PCDHA13: variants seen among roughly 807,000 people sequenced by gnomAD.
The protein encoded by PCDHA13 is protocadherin alpha 13.
In PCDHA13, 54 loss-of-function variants were observed where a neutral mutation model predicts 64.8. The observed-to-expected ratio is 0.83, with a 90% CI of 0.67 to 1.04. The LOEUF (loss-of-function observed/expected upper bound fraction) is 1.04. Among genes scored for constraint, PCDHA13 ranks in the 50% least tolerant of loss-of-function variants. The pLI, the probability that PCDHA13 is intolerant of heterozygous loss-of-function variation, is 0.00. For missense variants in PCDHA13, 1,248 were observed against 1,254.3 expected, an observed-to-expected ratio of 0.99 and a Z score of 0.08; for synonymous variants, 587 against 564.4, an observed-to-expected ratio of 1.04 and a Z score of -0.57.
intron 1 of PCDHA13, among the ~76,000 whole-genome samples, chr5:140,958,384 C>G (rs1352428582): frequency 6.6e-6 from 1 of 152,098 alleles, no homozygotes; most frequent in Non-Finnish European, 1.5e-5. Context: ...ATTTTCTTAA[C>G]AGGTCATCAA....
chr5:140,992,258 A>G (rs1316409303), intron 3 of PCDHA13, among the ~76,000 whole-genome samples: 1 of 152,168 alleles, frequency 6.6e-6, no homozygotes, highest in African/African-American at 2.4e-5. Flanking sequence ...GCTAAAGATG[A>G]AAGTTCTTTT....
chr5:140,927,451 T>C (rs782170767), intron 1 of PCDHA13: 4 of 1,614,082 alleles, frequency 2.5e-6, no homozygotes, highest in South Asian at 1.1e-5. Context: ...GGAGTTGGTG[T>C]TGGAGAAAGC....
In PCDHA13 at chr5:140,982,557, A is replaced by G. The variant is rs199851685; in HGVS notation, c.2536A>G (p.Thr846Ala). 6.2e-7 allele frequency: 1 copy of G among 1,614,138 alleles called. No homozygotes were observed. The highest frequency in any genetic ancestry group is 1.7e-5 in the Admixed American group (1 of 60,030). The change falls in exon 3 of 4, where the codon ACA becomes GCA. Residue 846 changes from threonine (T) to alanine (A), a missense_variant. Physicochemically the swap from Thr to Ala is moderately conservative, Grantham distance 58. Transcript: ENST00000289272. ...GCAGTGGCCAACAGTATCCAGTGCAACACCAGGTAAAGAGCTGGGGTCTCT... is the reference window on the plus strand; with the variant it reads ...GCAGTGGCCAACAGTATCCAGTGCAGCACCAGGTAAAGAGCTGGGGTCTCT... Reference protein sequence around the residue: ...DQQWPTVSSATPEPEAGEVSP... With the variant: ...DQQWPTVSSAAPEPEAGEVSP...
At chr5:140,892,758 A>G (rs936927643) in intron 1 of PCDHA13, among the ~76,000 whole-genome samples, 2 of 152,210 alleles carry the variant, frequency 1.3e-5, no homozygotes, top group Non-Finnish European at 2.9e-5. Flanking sequence ...AACATTTAAA[A>G]TCCACTCTTC....
intron 1 of PCDHA13, chr5:140,926,299 C>G (rs547710989): frequency 3.9e-5 from 6 of 152,464 alleles, no homozygotes; most frequent in Admixed American, 3.9e-4. Context: ...GAGTCCCGCC[C>G]TCTCCGCCGG....
At chr5:140,999,138 C>G (rs530740266) in intron 3 of PCDHA13, among the ~76,000 whole-genome samples, 1 of 152,258 alleles carries the variant, frequency 6.6e-6, no homozygotes, top group East Asian at 1.9e-4. Context: ...AATGTCACAG[C>G]CGGAAGTCTT....
rs59031154 is a variant in PCDHA13 at position 140,884,790 on chromosome 5, T to C, written c.2394+128T>C. ...TTAATTTTAATTTTGCTAGTTGTTATCGAATTTAACAACTCTGCTGTGGAC... is the reference window on the plus strand; with the variant it reads ...TTAATTTTAATTTTGCTAGTTGTTACCGAATTTAACAACTCTGCTGTGGAC... On this transcript the variant is annotated intron_variant, in intron 1 of 3. Transcript: ENST00000289272. 1.6e-3 allele frequency: 2,209 copies of C among 1,352,036 alleles called. 33 individuals are homozygous for C. In the African/African-American group the frequency reaches 0.03, roughly 18 times the overall value. The allele number at this position is 1,352,036 out of a possible 1,614,324, so 83.8% of individuals were successfully genotyped here.
Position 140,884,388 on chromosome 5 carries a change from T to C in PCDHA13, c.2120T>C (p.Val707Ala). Reference sequence around the variant, plus strand: ...TACTTGATCATTGCCATCTGCGCGGTGTCCAGCCTGTTGGTGCTCACGTTG... The same window carrying C: ...TACTTGATCATTGCCATCTGCGCGGCGTCCAGCCTGTTGGTGCTCACGTTG... The part of the protein sequence containing the change: ...NVYLIIAICA[V>A]SSLLVLTLLL... The change falls in exon 1 of 4, where the codon GTG becomes GCG. Residue 707 changes from valine (V) to alanine (A), a missense_variant. Val to Ala is a moderately conservative substitution (Grantham distance 64). Coordinates refer to ENST00000289272, the MANE Select transcript of PCDHA13 (RefSeq NM_018904.3). 6.2e-7 allele frequency: 1 copy of C among 1,613,960 alleles called. No homozygotes were observed. Among genetic ancestry groups the C allele is most frequent in the Non-Finnish European group, 8.5e-7 (1 of 1,179,876 alleles).
In PCDHA13 at chr5:140,900,299, G is replaced by T. The variant is rs1042472528; in HGVS notation, c.2394+15637G>T. ...CCACACTTTCTTTTCTGTTTTTTTA[G>T]ACAGTCTCACTTTTGTCGCCCAGGC... On this transcript the variant is annotated intron_variant, in intron 1 of 3. Coordinates refer to ENST00000289272, the MANE Select transcript of PCDHA13 (RefSeq NM_018904.3). 2.0e-5 allele frequency among the ~76,000 whole-genome samples: 3 copies of T among 151,604 alleles called. No homozygotes were observed. The East Asian group carries it at 5.8e-4, about 29-fold the overall frequency.
rs782100865 is a variant in PCDHA13 at position 140,883,685 on chromosome 5, C to T, written c.1417C>T (p.His473Tyr). 50 of 1,613,734 alleles carry T rather than the reference C, an allele frequency of 3.1e-5. No individual in the cohort carries two copies. Among genetic ancestry groups the T allele is most frequent in the Non-Finnish European group, 3.7e-5 (44 of 1,179,910 alleles). ...GAAGGAAAACAATCCGCCGGGCTGC[C>T]ACATCTTCACGGTGTCTGCTCAGGA... The part of the protein sequence containing the change: ...FVKENNPPGC[H>Y]IFTVSAQDAD... Residue 473 changes from histidine (H) to tyrosine (Y), a missense_variant, in exon 1 of 4, where the codon CAC becomes TAC. By Grantham distance (83) the His-to-Tyr change is moderately conservative (BLOSUM62 2). Transcript: ENST00000289272.
intron 1 of PCDHA13, chr5:140,928,025 G>T: frequency 6.2e-7 from 1 of 1,614,148 alleles, no homozygotes; most frequent in South Asian, 1.1e-5. Flanking sequence ...GTCATTTGTG[G>T]CATGTCTAGT....
At chr5:140,901,927 A>C (rs2068986448) in intron 1 of PCDHA13, among the ~76,000 whole-genome samples, 1 of 151,764 alleles carries the variant, frequency 6.6e-6, no homozygotes. Context: ...TCTTTGGTTA[A>C]TTCCTAGGTA....
At chr5:140,994,125 C>T (rs1007264886) in intron 3 of PCDHA13, among the ~76,000 whole-genome samples, 6 of 152,044 alleles carry the variant, frequency 3.9e-5, no homozygotes, top group African/African-American at 9.7e-5. Flanking sequence ...GTGATAAGGG[C>T]GACAATAATG....
intron 1 of PCDHA13, among the ~76,000 whole-genome samples, chr5:140,887,432 C>G (rs2061445843): frequency 6.6e-6 from 1 of 152,120 alleles, no homozygotes; most frequent in Non-Finnish European, 1.5e-5. Flanking sequence ...AGTATTTTCA[C>G]TGGGCATAGT....
intron 1 of PCDHA13, among the ~76,000 whole-genome samples, chr5:140,919,231 CT>C (rs2079047316): frequency 6.6e-6 from 1 of 152,160 alleles, no homozygotes; most frequent in African/African-American, 2.4e-5. Context: ...TCTAGTAACA[CT>C]TTTTGTCTTG....
At chr5:140,928,397 C>T in intron 1 of PCDHA13, 1 of 1,614,082 alleles carries the variant, frequency 6.2e-7, no homozygotes, top group East Asian at 2.2e-5. Context: ...GCAGTGGAAT[C>T]ATCCAGTGGG....
intron 1 of PCDHA13, among the ~76,000 whole-genome samples, chr5:140,905,814 G>T (rs1303983123): frequency 6.6e-6 from 1 of 152,090 alleles, no homozygotes; most frequent in Non-Finnish European, 1.5e-5. Flanking sequence ...GAATTAATAG[G>T]CTAGATGTGT....
At chr5:140,899,964 T>A (rs543512832) in intron 1 of PCDHA13, among the ~76,000 whole-genome samples, 3 of 151,824 alleles carry the variant, frequency 2.0e-5, no homozygotes, top group African/African-American at 7.3e-5. Flanking sequence ...TGTGCTGCCA[T>A]GCCCAGCTAC....
chr5:140,973,450 T>C (rs1326852534), intron 1 of PCDHA13, among the ~76,000 whole-genome samples: 1 of 152,250 alleles, frequency 6.6e-6, no homozygotes, highest in Non-Finnish European at 1.5e-5. Context: ...TTATAATGAC[T>C]GGGGCTGTTT....
Sources: allele counts gnomAD v4.1 joint callset (sites outside exome capture counted in the v4.1 genomes callset), GRCh38; gene constraint gnomAD v4.1.1; transcripts MANE v1.5; gene names NCBI Gene and HGNC (gene_info 2026-07-23, HGNC 2026-07-21).